Variants in KLHL5 observed in about 807,000 individuals in gnomAD.
KLHL5 encodes the protein kelch-like protein 5.
In KLHL5, 48 loss-of-function variants were observed where a neutral mutation model predicts 77.7. The observed-to-expected ratio is 0.62, with a 90% CI of 0.49 to 0.79. The LOEUF is 0.79. Among genes scored for constraint, KLHL5 ranks in the 30% least tolerant of loss-of-function variants. The pLI is 0.00. For synonymous variants in KLHL5, 260 were observed against 297.0 expected (o/e 0.88, Z 1.28); for missense variants, 723 against 859.7 (o/e 0.84, Z 1.99).
At chr4:39,093,867 C>T (rs1158497176) in intron 5 of KLHL5, among the ~76,000 whole-genome samples, 2 of 151,842 alleles carry the variant, frequency 1.3e-5, no homozygotes, top group Admixed American at 6.6e-5. Context: ...GATTGCGCCA[C>T]CACACTCCAG....
At position 39,100,035 on chromosome 4, in the gene KLHL5, C is replaced by A. The variant is rs528396939; in HGVS notation, c.1300+3157C>A. Among the ~76,000 whole-genome samples, 58 of 152,094 alleles carry A rather than the reference C, an allele frequency of 3.8e-4. No individual in the cohort carries two copies. The South Asian group carries it at 0.011, about 29-fold the overall frequency. ...TTATCTCTATATTTATGTATAATAC[C>A]CTCACTTTGATTTTATTCTCATATT... On this transcript the variant is annotated intron_variant, in intron 6 of 10. Coordinates refer to ENST00000504108, the MANE Select transcript of KLHL5 (RefSeq NM_015990.5).
chr4:39,122,927 GA>G lies in KLHL5; in HGVS notation c.*1865del, dbSNP rs1416022638. ...AAAATTTACCAGTAACACCCAATCAGAAAATTTTGGTTCCTTAGTATTTAGG... is the reference window on the plus strand; with the variant it reads ...AAAATTTACCAGTAACACCCAATCAGAAATTTTGGTTCCTTAGTATTTAGG... On this transcript the variant is annotated 3_prime_UTR_variant, in exon 11 of 11. Coordinates refer to ENST00000504108, the MANE Select transcript of KLHL5 (RefSeq NM_015990.5). Among the ~76,000 whole-genome samples the G allele has an allele frequency of 6.6e-6, 1 of 152,064 alleles. No individual in the cohort carries two copies. The highest frequency in any genetic ancestry group is 2.4e-5 in the African/African-American group (1 of 41,420).
In KLHL5 at chr4:39,084,672, C is replaced by T. The variant is rs988605373; in HGVS notation, c.901-1843C>T. 5.9e-5 allele frequency among the ~76,000 whole-genome samples: 9 copies of T among 152,198 alleles called. 1 individual carries two copies. The highest frequency in any genetic ancestry group is 3.3e-4 in the Admixed American group (5 of 15,274). On this transcript the variant is annotated intron_variant, in intron 4 of 10. Transcript: ENST00000504108. Reference sequence around the variant, plus strand: ...GAAATAGATATATCAACAAATAATTCGTCAAGTGCATATTTACGTGATAGT... The same window carrying T: ...GAAATAGATATATCAACAAATAATTTGTCAAGTGCATATTTACGTGATAGT...
the KLHL5 span, among the ~76,000 whole-genome samples, chr4:39,132,364 T>C: frequency 6.6e-6 from 1 of 152,124 alleles, no homozygotes; most frequent in Non-Finnish European, 1.5e-5. Flanking sequence ...ATCCCAGCAC[T>C]TTGGAAAGCT....
chr4:39,136,681 G>A, the KLHL5 span, among the ~76,000 whole-genome samples: 1 of 152,204 alleles, frequency 6.6e-6, no homozygotes, highest in Non-Finnish European at 1.5e-5. Flanking sequence ...CGGACTGTCA[G>A]AGCCTGAGTA....
downstream of KLHL5, among the ~76,000 whole-genome samples, chr4:39,127,330 AG>A (rs1723596092): frequency 6.7e-6 from 1 of 149,286 alleles, no homozygotes; most frequent in Non-Finnish European, 1.5e-5. Context: ...AAAAAAAAAA[AG>A]TTACAAATAA....
intron 9 of KLHL5, 49 bp from the exon 10 acceptor site, chr4:39,115,110 T>G (rs781581438): frequency 1.3e-6 from 2 of 1,546,432 alleles, no homozygotes; most frequent in East Asian, 4.5e-5. Context: ...TGTTTTTACA[T>G]AAATATTTTA....
chr4:39,135,496 A>G, the KLHL5 span: 1 of 152,238 alleles, frequency 6.6e-6, no homozygotes, highest in African/African-American at 2.4e-5. Flanking sequence ...TGTCTCCAGC[A>G]CCCTCTACCG....
At chr4:39,091,042 C>T (rs1236421530) in intron 5 of KLHL5, among the ~76,000 whole-genome samples, 1 of 146,332 alleles carries the variant, frequency 6.8e-6, no homozygotes, top group South Asian at 2.2e-4. Context: ...GGCTGGAGTG[C>T]AGTGACACGA....
At chr4:39,117,401 G>A (rs1014559793) in intron 10 of KLHL5, among the ~76,000 whole-genome samples, 1 of 152,190 alleles carries the variant, frequency 6.6e-6, no homozygotes, top group Non-Finnish European at 1.5e-5. Flanking sequence ...TTTCAACCAA[G>A]AGAATGATGC....
intron 6 of KLHL5, among the ~76,000 whole-genome samples, chr4:39,097,554 C>T (rs1197644354): frequency 2.0e-5 from 3 of 151,938 alleles, no homozygotes; most frequent in Admixed American, 6.6e-5. Context: ...CCATCTATGC[C>T]GTCCTTGCCA....
intron 5 of KLHL5, among the ~76,000 whole-genome samples, chr4:39,094,999 A>G (rs1221621106): frequency 6.6e-6 from 1 of 152,180 alleles, no homozygotes; most frequent in African/African-American, 2.4e-5. Context: ...CACATATTTG[A>G]TGACCTAAAT....
chr4:39,142,026 G>A, the KLHL5 span, among the ~76,000 whole-genome samples: 2 of 152,012 alleles, frequency 1.3e-5, no homozygotes, highest in South Asian at 2.1e-4. Context: ...TATCACTCAC[G>A]ACCACCTCCA....
At chr4:39,070,976 A>G (rs891568856) in intron 1 of KLHL5, among the ~76,000 whole-genome samples, 1 of 152,178 alleles carries the variant, frequency 6.6e-6, no homozygotes, top group Admixed American at 6.6e-5. Context: ...TTATACTCCA[A>G]TTAAAGATGC....
At chr4:39,089,621 G>A (rs770130207) in intron 5 of KLHL5, among the ~76,000 whole-genome samples, 4 of 152,134 alleles carry the variant, frequency 2.6e-5, no homozygotes, top group Non-Finnish European at 4.4e-5. Context: ...GAAAAAGGAC[G>A]AAGTTTTATC....
chr4:39,068,168 C>T (rs1420586719), intron 1 of KLHL5, among the ~76,000 whole-genome samples: 2 of 152,134 alleles, frequency 1.3e-5, no homozygotes, highest in East Asian at 3.9e-4. Flanking sequence ...CACCACTCCT[C>T]ATGGGCATTC....
At position 39,113,118 on chromosome 4, in the gene KLHL5, C is replaced by A; in HGVS notation, c.1787C>A (p.Ser596Ter). 6.2e-7 allele frequency: 1 copy of A among 1,614,004 alleles called. No homozygotes were observed. The highest frequency in any genetic ancestry group is 1.3e-5 in the African/African-American group (1 of 75,018). The change falls in exon 9 of 11, where the codon TCA becomes TAA. Residue 596 changes from serine to a stop codon, truncating the protein, a stop_gained. Transcript: ENST00000504108. LOFTEE classifies it high-confidence loss of function. ...TNKWTLCAQM[S>*]KRRGGVGVTT... Reference sequence around the variant, plus strand: ...AAGTGGACACTGTGTGCACAGATGTCAAAAAGGAGAGGTGGCGTAGGAGTG... The same window carrying A: ...AAGTGGACACTGTGTGCACAGATGTAAAAAAGGAGAGGTGGCGTAGGAGTG...
the KLHL5 span, among the ~76,000 whole-genome samples, chr4:39,135,951 C>T: frequency 0.015 from 2,295 of 151,440 alleles, 58 homozygotes; most frequent in African/African-American, 0.053. Flanking sequence ...GTACCAGACA[C>T]GGCCGAATTA....
downstream of KLHL5, among the ~76,000 whole-genome samples, chr4:39,127,620 A>T (rs1376000959): frequency 1.3e-5 from 2 of 149,670 alleles, no homozygotes; most frequent in African/African-American, 4.9e-5. Flanking sequence ...TGTTTGGCTA[A>T]TTTTTTTTTT....
Sources: allele counts gnomAD v4.1 joint callset (sites outside exome capture counted in the v4.1 genomes callset), GRCh38; gene constraint gnomAD v4.1.1; transcripts MANE v1.5; gene names NCBI Gene and HGNC (gene_info 2026-07-23, HGNC 2026-07-21).